IRS1: variants seen among roughly 807,000 people sequenced by gnomAD.
IRS1 encodes the protein insulin receptor substrate 1.
In IRS1, 34 loss-of-function variants were observed where a neutral mutation model predicts 65.6. The observed-to-expected ratio is 0.52, with a 90% CI of 0.39 to 0.69. The LOEUF is 0.69. Ranked by LOEUF, IRS1 falls within the 30% of genes least tolerant of loss-of-function variation. IRS1 has a pLI of 0.00. For synonymous variants in IRS1, 699 were observed against 683.5 expected (o/e 1.02, Z -0.35); for missense variants, 1,641 against 1,720.2 (o/e 0.95, Z 0.81).
rs994109326 is a variant in IRS1 at position 226,791,170 on chromosome 2, T to A, written c.*21+3819A>T. Among the ~76,000 whole-genome samples the A allele has an allele frequency of 2.0e-5, 3 of 151,478 alleles. 1 individual carries two copies. The highest frequency in any genetic ancestry group is 2.0e-4 in the Admixed American group (3 of 15,196). On this transcript the variant is annotated intron_variant, in intron 1 of 1. Transcript: ENST00000305123. Reference sequence around the variant, plus strand: ...ACTTTCAAGCCAAAGGAATTCCCCCTCCCCCCATGACCCAAAACGATGGCA... The same window carrying A: ...ACTTTCAAGCCAAAGGAATTCCCCCACCCCCCATGACCCAAAACGATGGCA...
At chr2:226,791,771 A>G (rs1019806626) in intron 1 of IRS1, among the ~76,000 whole-genome samples, 1 of 151,778 alleles carries the variant, frequency 6.6e-6, no homozygotes, top group African/African-American at 2.4e-5. Context: ...CGGGACCCAG[A>G]GCCGCGCGGC....
chr2:226,766,138 TATATATATATATATA>T (rs1559151925), intron 1 of IRS1, among the ~76,000 whole-genome samples: 15 of 4,004 alleles, frequency 3.7e-3, no homozygotes, highest in South Asian at 8.9e-3. Flanking sequence ...TATATATATA[TATATATATATATATA>T]TATATATATA....
chr2:226,770,162 A>G (rs1939136261), intron 1 of IRS1, among the ~76,000 whole-genome samples: 1 of 152,222 alleles, frequency 6.6e-6, no homozygotes, highest in South Asian at 2.1e-4. Flanking sequence ...CACTCCACAT[A>G]TGAAAGAGAA....
chr2:226,752,614 G>A (rs1029109904), intron 1 of IRS1, among the ~76,000 whole-genome samples: 1 of 152,232 alleles, frequency 6.6e-6, no homozygotes, highest in Non-Finnish European at 1.5e-5. Flanking sequence ...CTTCCCAAGA[G>A]CTAATTTCCA....
chr2:226,784,848 T>C (rs1315501511), intron 1 of IRS1, among the ~76,000 whole-genome samples: 1 of 152,252 alleles, frequency 6.6e-6, no homozygotes, highest in Non-Finnish European at 1.5e-5. Flanking sequence ...CAGTCATAAA[T>C]GTTTTTGACC....
chr2:226,756,113 A>C (rs529621928), intron 1 of IRS1, among the ~76,000 whole-genome samples: 1 of 152,348 alleles, frequency 6.6e-6, no homozygotes, highest in African/African-American at 2.4e-5. Flanking sequence ...CAGAAGCAGC[A>C]AATTAATATC....
At chr2:226,771,105 G>A (rs1278397939) in intron 1 of IRS1, among the ~76,000 whole-genome samples, 1 of 152,138 alleles carries the variant, frequency 6.6e-6, no homozygotes, top group Non-Finnish European at 1.5e-5. Context: ...AACGTTGGTA[G>A]TGTGGGCTGT....
In IRS1 at chr2:226,747,156, GC is replaced by G. The variant is rs1249184804; in HGVS notation, c.*22-10907del. Among the ~76,000 whole-genome samples the G allele has an allele frequency of 3.9e-5, 6 of 152,248 alleles. No individual in the cohort carries two copies. The East Asian group carries it at 1.2e-3, about 29-fold the overall frequency. On this transcript the variant is annotated intron_variant, in intron 1 of 1. Coordinates refer to ENST00000305123, the MANE Select transcript of IRS1 (RefSeq NM_005544.3). The stretch of plus-strand genomic sequence containing the variant: ...AGGGTTGAGCTGCTTGTCTGGCTGA[GC>G]TAAAAGCACCCCATGGACAGTTGTG...
chr2:226,773,854 T>C (rs563381506), intron 1 of IRS1, among the ~76,000 whole-genome samples: 19 of 152,320 alleles, frequency 1.2e-4, no homozygotes, highest in African/African-American at 4.3e-4. Flanking sequence ...GCTGATTCCA[T>C]GCTGTACCTA....
intron 1 of IRS1, among the ~76,000 whole-genome samples, chr2:226,778,868 C>T (rs936487372): frequency 6.6e-6 from 1 of 152,216 alleles, no homozygotes; most frequent in Non-Finnish European, 1.5e-5. Flanking sequence ...TATACATCAA[C>T]TTCAACTCTT....
intron 1 of IRS1, among the ~76,000 whole-genome samples, chr2:226,741,894 G>T (rs1261813005): frequency 6.6e-6 from 1 of 151,004 alleles, no homozygotes. Context: ...GATGGGTGTT[G>T]TTCATTAAAA....
At chr2:226,748,187 A>G (rs866516394) in intron 1 of IRS1, among the ~76,000 whole-genome samples, 30 of 151,736 alleles carry the variant, frequency 2.0e-4, no homozygotes, top group Admixed American at 2.6e-4. Flanking sequence ...CAGCACTTTG[A>G]GAGGCCAAGG....
At chr2:226,769,938 A>T (rs893360458) in intron 1 of IRS1, among the ~76,000 whole-genome samples, 2 of 152,146 alleles carry the variant, frequency 1.3e-5, no homozygotes, top group Admixed American at 6.5e-5. Flanking sequence ...TCCCAGTTTC[A>T]CTGCTCTCCT....
chr2:226,757,355 C>A (rs1476929328), intron 1 of IRS1, among the ~76,000 whole-genome samples: 1 of 152,292 alleles, frequency 6.6e-6, no homozygotes, highest in Admixed American at 6.5e-5. Flanking sequence ...TGGCTCACAA[C>A]TGTGATCTTG....
intron 1 of IRS1, among the ~76,000 whole-genome samples, chr2:226,747,190 C>A (rs931509479): frequency 6.6e-6 from 1 of 152,050 alleles, no homozygotes; most frequent in Admixed American, 6.5e-5. Context: ...GTGCCCCATT[C>A]TTAATAAACA....
Position 226,759,291 on chromosome 2 carries a change from C to T in IRS1, c.*22-23041G>A, listed in dbSNP as rs960403417. ...GAAAAATTCTCTCTACAAAGGAAAA[C>T]GTTTAGTCTGGAGAAAATGTTTACA... On this transcript the variant is annotated intron_variant, in intron 1 of 1. Coordinates refer to ENST00000305123, the MANE Select transcript of IRS1 (RefSeq NM_005544.3). Among the ~76,000 whole-genome samples the T allele has an allele frequency of 1.3e-5, 2 of 152,164 alleles. 1 individual carries two copies. Among genetic ancestry groups the T allele is most frequent in the Non-Finnish European group, 2.9e-5 (2 of 68,028 alleles).
intron 1 of IRS1, among the ~76,000 whole-genome samples, chr2:226,752,185 A>C (rs1938697501): frequency 6.6e-6 from 1 of 152,198 alleles, no homozygotes; most frequent in Admixed American, 6.5e-5. Flanking sequence ...CCAGAGAAAG[A>C]TCCCGAAGCA....
intron 1 of IRS1, among the ~76,000 whole-genome samples, chr2:226,764,196 C>T (rs1341162407): frequency 2.0e-5 from 3 of 151,382 alleles, no homozygotes; most frequent in Admixed American, 6.6e-5. Context: ...GTGTATGTTC[C>T]TTTAGAAACA....
chr2:226,766,156 TA>T (rs1214154926), intron 1 of IRS1, among the ~76,000 whole-genome samples: 4 of 19,244 alleles, frequency 2.1e-4, no homozygotes, highest in African/African-American at 5.4e-4. Context: ...TATATATATA[TA>T]TATATATTTT....
Sources: gnomAD v4.1 joint callset for allele counts (sites outside exome capture counted in the v4.1 genomes callset) on GRCh38, gnomAD v4.1.1 for gene constraint, MANE v1.5 for transcripts, NCBI Gene and HGNC (gene_info 2026-07-23, HGNC 2026-07-21) for gene names.